ADAMTS17: variants seen among roughly 807,000 people sequenced by gnomAD.
The protein encoded by ADAMTS17 is A disintegrin and metalloproteinase with thrombospondin motifs 17.
ADAMTS17 carries 113 observed loss-of-function variants against 141.5 expected under a neutral mutation model. That is an observed-to-expected ratio of 0.80 (90% CI 0.69 to 0.93). ADAMTS17 has a LOEUF of 0.93. Among genes scored for constraint, ADAMTS17 ranks in the 40% least tolerant of loss-of-function variants. The pLI, the probability that ADAMTS17 is intolerant of heterozygous loss-of-function variation, is 0.00. For synonymous variants in ADAMTS17, 768 were observed against 630.6 expected, an observed-to-expected ratio of 1.22 and a Z score of -3.27; for missense variants, 1,659 against 1,517.9, an observed-to-expected ratio of 1.09 and a Z score of -1.54.
chr15:100,097,181 G>A (rs186438773), intron 14 of ADAMTS17, among the ~76,000 whole-genome samples: 1 of 152,166 alleles, frequency 6.6e-6, no homozygotes, highest in Non-Finnish European at 1.5e-5. Context: ...TTTTAAAAAA[G>A]TGAGAATTTT....
intron 11 of ADAMTS17, among the ~76,000 whole-genome samples, chr15:100,132,952 T>G (rs2038129395): frequency 6.6e-6 from 1 of 152,254 alleles, no homozygotes; most frequent in African/African-American, 2.4e-5. Flanking sequence ...AAGTGTTCCT[T>G]TTAAGTAAAT....
intron 4 of ADAMTS17, among the ~76,000 whole-genome samples, chr15:100,279,639 C>T (rs886981594): frequency 6.6e-6 from 1 of 152,216 alleles, no homozygotes. Context: ...AAGCAGCAGA[C>T]TGAAAGAGGT....
intron 8 of ADAMTS17, among the ~76,000 whole-genome samples, chr15:100,168,214 C>T (rs879077859): frequency 2.6e-5 from 4 of 152,136 alleles, no homozygotes; most frequent in African/African-American, 4.8e-5. Context: ...GGGTGCACTG[C>T]GAATGACGGG....
At chr15:100,308,660 A>T (rs943562508) in intron 3 of ADAMTS17, among the ~76,000 whole-genome samples, 2 of 152,184 alleles carry the variant, frequency 1.3e-5, no homozygotes, top group Non-Finnish European at 2.9e-5. Context: ...AAGAAAAAAA[A>T]GTAATGGGAA....
chr15:100,322,080 A>G (rs1261940223), intron 3 of ADAMTS17, among the ~76,000 whole-genome samples: 1 of 152,210 alleles, frequency 6.6e-6, no homozygotes, highest in Non-Finnish European at 1.5e-5. Flanking sequence ...TGAAAAAAAT[A>G]CAAAAATCCA....
intron 6 of ADAMTS17, among the ~76,000 whole-genome samples, chr15:100,259,012 G>GAAA (rs35976628): frequency 1.4e-3 from 119 of 82,784 alleles, no homozygotes; most frequent in Admixed American, 5.6e-3. Context: ...TCCACTCAAT[G>GAAA]AAACAGCAGG....
intron 7 of ADAMTS17, among the ~76,000 whole-genome samples, chr15:100,224,480 A>G (rs755951200): frequency 2.6e-5 from 4 of 152,170 alleles, no homozygotes; most frequent in Non-Finnish European, 5.9e-5. Context: ...ATCATAAATT[A>G]CTCAGTCATC....
chr15:99,986,043 A>G (rs2060578046), intron 20 of ADAMTS17, among the ~76,000 whole-genome samples: 1 of 152,204 alleles, frequency 6.6e-6, no homozygotes, highest in Non-Finnish European at 1.5e-5. Flanking sequence ...TACCACCAGC[A>G]CAGGGTCTGG....
At chr15:100,318,435 G>A (rs969600563) in intron 3 of ADAMTS17, among the ~76,000 whole-genome samples, 1 of 152,012 alleles carries the variant, frequency 6.6e-6, no homozygotes, top group Non-Finnish European at 1.5e-5. Context: ...TGGTATTAGT[G>A]CCCTTATAAG....
chr15:100,013,559 C>T (rs544082731), intron 18 of ADAMTS17, among the ~76,000 whole-genome samples: 34 of 152,148 alleles, frequency 2.2e-4, no homozygotes, highest in Middle Eastern at 3.4e-3. Context: ...GTATGTCCCT[C>T]GCATGCCGGT....
At chr15:100,073,309 C>T (rs914664678) in intron 15 of ADAMTS17, among the ~76,000 whole-genome samples, 39 of 152,234 alleles carry the variant, frequency 2.6e-4, no homozygotes, top group Middle Eastern at 3.4e-3. Flanking sequence ...TTTTACACTG[C>T]TGGTAGGACT....
chr15:100,185,198 C>A (rs1019390461), intron 8 of ADAMTS17, among the ~76,000 whole-genome samples: 6 of 152,070 alleles, frequency 3.9e-5, no homozygotes, highest in African/African-American at 1.5e-4. Flanking sequence ...TGCTTAAGTT[C>A]CCTGTGCCTC....
chr15:100,238,258 C>A (rs1442470539), intron 7 of ADAMTS17, among the ~76,000 whole-genome samples: 1 of 152,228 alleles, frequency 6.6e-6, no homozygotes, highest in Non-Finnish European at 1.5e-5. Flanking sequence ...GGTCCCAGCC[C>A]CTCCACTTCC....
intron 12 of ADAMTS17, chr15:100,128,919 G>T (rs1242094505): frequency 6.6e-6 from 1 of 152,232 alleles, no homozygotes; most frequent in Non-Finnish European, 1.5e-5. Context: ...GGAAAGCCTT[G>T]TCTTTGGGCT....
At chr15:100,303,615 C>T (rs1198034607) in intron 3 of ADAMTS17, among the ~76,000 whole-genome samples, 1 of 152,080 alleles carries the variant, frequency 6.6e-6, no homozygotes, top group Non-Finnish European at 1.5e-5. Context: ...GGTCTTTGAT[C>T]TCCCCTTAAT....
chr15:100,236,629 G>A (rs1246537071), intron 7 of ADAMTS17, among the ~76,000 whole-genome samples: 3 of 152,204 alleles, frequency 2.0e-5, no homozygotes, highest in Non-Finnish European at 4.4e-5. Context: ...CTAGAGGCCA[G>A]GAGGTTGAGA....
At chr15:100,083,807 G>A (rs2034907064) in intron 15 of ADAMTS17, among the ~76,000 whole-genome samples, 1 of 151,188 alleles carries the variant, frequency 6.6e-6, no homozygotes, top group South Asian at 2.1e-4. Flanking sequence ...GCATGCCAGA[G>A]CAGCTGGCAC....
At chr15:100,087,410 C>T (rs921773007) in intron 15 of ADAMTS17, among the ~76,000 whole-genome samples, 1 of 152,062 alleles carries the variant, frequency 6.6e-6, no homozygotes, top group African/African-American at 2.4e-5. Flanking sequence ...ACCAGAGGTA[C>T]AAGGAGGAGC....
intron 3 of ADAMTS17, among the ~76,000 whole-genome samples, chr15:100,314,862 A>T (rs2045512219): frequency 6.6e-6 from 1 of 152,202 alleles, no homozygotes; most frequent in Non-Finnish European, 1.5e-5. Context: ...GAAGGATCCC[A>T]AGGCAGTGAG....
Sources: gnomAD v4.1 joint callset for allele counts (sites outside exome capture counted in the v4.1 genomes callset) on GRCh38, gnomAD v4.1.1 for gene constraint, MANE v1.5 for transcripts, NCBI Gene and HGNC (gene_info 2026-07-23, HGNC 2026-07-21) for gene names.